The following CBFA2T2 variants were observed in gnomAD, a reference collection of about 807,000 sequenced individuals.
The protein encoded by CBFA2T2 is protein CBFA2T2.
A neutral mutation model predicts 62.2 loss-of-function variants in CBFA2T2; 11 were observed. The ratio of observed to expected loss-of-function variants is 0.18; its 90% CI spans 0.11 to 0.29. The LOEUF (loss-of-function observed/expected upper bound fraction) is 0.29, where lower values mean the gene tolerates loss of function less well. Among genes scored for constraint, CBFA2T2 ranks in the 10% least tolerant of loss-of-function variants. CBFA2T2 has a pLI of 1.00. For missense variants in CBFA2T2, 592 were observed against 774.1 expected (o/e 0.76, Z 2.79); for synonymous variants, 295 against 287.5 (o/e 1.03, Z -0.27).
intron 1 of CBFA2T2, among the ~76,000 whole-genome samples, chr20:33,566,898 G>A (rs977684272): frequency 6.6e-6 from 1 of 152,190 alleles, no homozygotes; most frequent in African/African-American, 2.4e-5. Context: ...GTTTACTTCT[G>A]AGATACTTAC....
intron 8 of CBFA2T2, among the ~76,000 whole-genome samples, chr20:33,633,377 A>T (rs6059391): frequency 7.2e-4 from 106 of 147,506 alleles, no homozygotes; most frequent in South Asian, 1.5e-3. Flanking sequence ...TCGCAAAAAA[A>T]AAATAAATAA....
At position 33,640,475 on chromosome 20, in the gene CBFA2T2, C is replaced by T. The variant is rs2016788727; in HGVS notation, c.1432C>T (p.Arg478Trp). The change falls in exon 10 of 11, where the codon CGG becomes TGG. Residue 478 changes from arginine (R) to tryptophan (W), a missense_variant. Physicochemically the swap from Arg to Trp is moderately radical, Grantham distance 101. Transcript: ENST00000342704. ...RMEQTIADVK[R>W]QAAEDAFLVI... ...GGAGCAAACCATAGCGGATGTCAAG[C>T]GGCAGGCCGCAGAGGATGCTTTCCT... 1.9e-6 allele frequency: 3 copies of T among 1,614,210 alleles called. No individual in the cohort carries two copies. The highest frequency in any genetic ancestry group is 2.5e-6 in the Non-Finnish European group (3 of 1,180,036).
In CBFA2T2 at chr20:33,490,302, G is replaced by C. The variant is rs1479631863; in HGVS notation, c.34+1G>C. 5 of 1,281,510 alleles carry C rather than the reference G, an allele frequency of 3.9e-6. No homozygotes were observed. Among genetic ancestry groups the C allele is most frequent in the African/African-American group, 3.1e-5 (2 of 65,548 alleles). 79.4% of individuals were successfully genotyped at this position (1,281,510 alleles called of 1,614,324 possible). ...GTCCCTGGAGCGGCCGCCTTCCAGCGTAAGTGGGGCGTGAATGCGGGCGGC... is the reference window on the plus strand; with the variant it reads ...GTCCCTGGAGCGGCCGCCTTCCAGCCTAAGTGGGGCGTGAATGCGGGCGGC... On this transcript the variant is annotated splice_donor_variant, in intron 1 of 10. Transcript: ENST00000342704. LOFTEE classifies it high-confidence loss of function.
rs144203428 is a variant in CBFA2T2, at chr20:33,606,936, A to G, written c.35-20A>G. ...AAACTTTTAGAAAACCCTAACCTCC[A>G]TTTCTCTGATTCTCTGCAGTTGGTC... is the stretch of plus-strand genomic sequence containing the variant. On this transcript the variant is annotated intron_variant, in intron 1 of 10. Transcript: ENST00000342704. The G allele has an allele frequency of 3.1e-6, 5 of 1,609,000 alleles. No homozygotes were observed. Among genetic ancestry groups the G allele is most frequent in the African/African-American group, 1.3e-5 (1 of 74,812 alleles).
chr20:33,579,115 G>T (rs150654379), intron 1 of CBFA2T2, among the ~76,000 whole-genome samples: 2,556 of 127,844 alleles, frequency 0.02, 153 homozygotes, highest in Admixed American at 0.14. Flanking sequence ...GTTTTTTTTT[G>T]TTTTTTTTTT....
chr20:33,517,689 CTTTT>C (rs34816419), intron 1 of CBFA2T2, among the ~76,000 whole-genome samples: 3 of 135,420 alleles, frequency 2.2e-5, no homozygotes, highest in East Asian at 2.1e-4. Flanking sequence ...TATATTTTGC[CTTTT>C]TTTTTTTTTT....
Position 33,598,367 on chromosome 20 carries a change from A to C in CBFA2T2, c.35-8589A>C, listed in dbSNP as rs534331283. 1.1e-3 allele frequency among the ~76,000 whole-genome samples: 174 copies of C among 152,170 alleles called. 1 individual carries two copies. The highest frequency in any genetic ancestry group is 2.3e-3 in the Non-Finnish European group (156 of 68,038). ...ACCTAGGGGGGCCGTTTATAAGCCT[A>C]TACATCCAGGCGCGTATTCTCTTTC... On this transcript the variant is annotated intron_variant, in intron 1 of 10. Transcript: ENST00000342704.
intron 1 of CBFA2T2, among the ~76,000 whole-genome samples, chr20:33,511,539 T>TA (rs960962058): frequency 4.6e-5 from 7 of 152,074 alleles, no homozygotes; most frequent in South Asian, 2.1e-4. Flanking sequence ...GCAAAACTCT[T>TA]AAAAAAATGG....
intron 1 of CBFA2T2, among the ~76,000 whole-genome samples, chr20:33,538,966 T>C (rs1002538101): frequency 2.0e-5 from 3 of 152,214 alleles, no homozygotes; most frequent in Non-Finnish European, 4.4e-5. Flanking sequence ...AGCTACCAAT[T>C]ACATGAAGTT....
At chr20:33,519,147 C>A (rs774294052) in intron 1 of CBFA2T2, among the ~76,000 whole-genome samples, 1 of 152,042 alleles carries the variant, frequency 6.6e-6, no homozygotes, top group Non-Finnish European at 1.5e-5. Context: ...TTCAGCCAAC[C>A]ATGGATCGCA....
chr20:33,491,649 C>T lies in CBFA2T2; in HGVS notation c.34+1348C>T, dbSNP rs532504984. On this transcript the variant is annotated intron_variant, in intron 1 of 10. Transcript: ENST00000342704. ...CTCATGAAATTTCCAACTAAAGAGG[C>T]GGATAGTGATTACTCTTTTAGGCTT... is the stretch of plus-strand genomic sequence containing the variant. 9.9e-4 allele frequency among the ~76,000 whole-genome samples: 150 copies of T among 151,858 alleles called. 1 individual carries two copies. The highest frequency in any genetic ancestry group is 3.4e-3 in the Middle Eastern group (1 of 292).
At chr20:33,545,372 A>G (rs1568811167) in intron 1 of CBFA2T2, among the ~76,000 whole-genome samples, 1 of 152,222 alleles carries the variant, frequency 6.6e-6, no homozygotes, top group Non-Finnish European at 1.5e-5. Context: ...AATGCAAGTT[A>G]TTAGTGGGAT....
chr20:33,558,932 A>G (rs1425570537), intron 1 of CBFA2T2, among the ~76,000 whole-genome samples: 2 of 152,064 alleles, frequency 1.3e-5, no homozygotes, highest in Admixed American at 1.3e-4. Flanking sequence ...TTAGCCTATC[A>G]TCGAAATAAT....
rs199805350 is a variant in CBFA2T2 at position 33,621,287 on chromosome 20, C to CTTTTTT, written c.510+1702_510+1707dup. On this transcript the variant is annotated intron_variant, in intron 4 of 10. Coordinates refer to ENST00000342704, the MANE Select transcript of CBFA2T2 (RefSeq NM_001032999.3). ...TCTATAATACCTTTAATTTTACTGCCTTTTTTTTTTTTTTTTTTTTTTTTT... is the reference window on the plus strand; with the variant it reads ...TCTATAATACCTTTAATTTTACTGCCTTTTTTTTTTTTTTTTTTTTTTTTTTTTTTT... 1.0e-3 allele frequency among the ~76,000 whole-genome samples: 85 copies of CTTTTTT among 85,300 alleles called. 4 individuals are homozygous for CTTTTTT. The highest frequency in any genetic ancestry group is 3.3e-3 in the East Asian group (8 of 2,416). 56.0% of individuals were successfully genotyped at this position (85,300 alleles called of 152,430 possible).
At chr20:33,497,274 C>CAAAAAAA (rs34528525) in intron 1 of CBFA2T2, among the ~76,000 whole-genome samples, 5 of 58,064 alleles carry the variant, frequency 8.6e-5, no homozygotes, top group South Asian at 9.1e-4. Context: ...ACCCTGTCTC[C>CAAAAAAA]AAAAAAAAAA....
Position 33,495,803 on chromosome 20 carries a change from C to G in CBFA2T2, c.34+5502C>G, listed in dbSNP as rs534374244. Among the ~76,000 whole-genome samples the G allele has an allele frequency of 2.0e-5, 3 of 152,302 alleles. No homozygotes were observed. The East Asian group carries it at 5.8e-4, about 29-fold the overall frequency. ...GAACCAATCCTAACAAGTTTTGAGA[C>G]TTCAGGCTCATTACTTAACCTTCTT... On this transcript the variant is annotated intron_variant, in intron 1 of 10. Transcript: ENST00000342704.
At position 33,611,580 on chromosome 20, in the gene CBFA2T2, A is replaced by G. The variant is rs942354645; in HGVS notation, c.420+245A>G. Among the ~76,000 whole-genome samples, 5 of 152,048 alleles carry G rather than the reference A, an allele frequency of 3.3e-5. No individual in the cohort carries two copies. The East Asian group carries it at 5.8e-4, about 18-fold the overall frequency. ...ACCCAGCCTGGAGTATGATGGTGCG[A>G]ACACAGCTCACTTCAGCCTTGACCT... On this transcript the variant is annotated intron_variant, in intron 3 of 10. Coordinates refer to ENST00000342704, the MANE Select transcript of CBFA2T2 (RefSeq NM_001032999.3).
At chr20:33,599,595 T>A (rs2015035173) in intron 1 of CBFA2T2, among the ~76,000 whole-genome samples, 3 of 151,990 alleles carry the variant, frequency 2.0e-5, no homozygotes, top group Non-Finnish European at 1.5e-5. Context: ...TCCCTTTTTT[T>A]TTTTTTTGAG....
intron 1 of CBFA2T2, among the ~76,000 whole-genome samples, chr20:33,549,761 A>G (rs1433704360): frequency 6.6e-6 from 1 of 152,156 alleles, no homozygotes; most frequent in Non-Finnish European, 1.5e-5. Context: ...AAATGTTGGC[A>G]GGGGCAGAGG....
Sources: allele counts gnomAD v4.1 joint callset (sites outside exome capture counted in the v4.1 genomes callset), GRCh38; gene constraint gnomAD v4.1.1; transcripts MANE v1.5; gene names NCBI Gene and HGNC (gene_info 2026-07-23, HGNC 2026-07-21).